Variants in STK33 observed in about 807,000 individuals in gnomAD.
STK33 encodes the protein serine/threonine kinase 33.
A neutral mutation model predicts 58.0 loss-of-function variants in STK33; 52 were observed. The observed-to-expected ratio is 0.90, with a 90% CI of 0.72 to 1.13. STK33 has a LOEUF of 1.13. Ranked by LOEUF, STK33 falls within the 50% of genes most tolerant of loss-of-function variation. The pLI is 0.00. For synonymous variants in STK33, 215 were observed against 200.1 expected, an observed-to-expected ratio of 1.07 and a Z score of -0.63; for missense variants, 630 against 604.2, an observed-to-expected ratio of 1.04 and a Z score of -0.45.
At chr11:8,419,397 T>A (rs1354175808) in intron 14 of STK33, among the ~76,000 whole-genome samples, 2 of 152,182 alleles carry the variant, frequency 1.3e-5, no homozygotes, top group Non-Finnish European at 2.9e-5. Flanking sequence ...GTCACAGATG[T>A]GAGGTCTTAT....
chr11:8,441,896 C>T (rs1944792280), intron 11 of STK33, among the ~76,000 whole-genome samples: 1 of 152,026 alleles, frequency 6.6e-6, no homozygotes, highest in Non-Finnish European at 1.5e-5. Context: ...CTCCCTTTGC[C>T]AATGAGGAAA....
At chr11:8,381,029 C>T in the STK33 span, among the ~76,000 whole-genome samples, 2 of 152,154 alleles carry the variant, frequency 1.3e-5, no homozygotes, top group Non-Finnish European at 2.9e-5. Context: ...AAATCAAATA[C>T]CCTATGTCCT....
the STK33 span, among the ~76,000 whole-genome samples, chr11:8,376,549 CT>C: frequency 2.4e-3 from 350 of 143,842 alleles, no homozygotes; most frequent in Middle Eastern, 3.6e-3. Context: ...ATTCTTTTTT[CT>C]TTTTTTTTTT....
chr11:8,403,081 T>C (rs1938415403), intron 15 of STK33, among the ~76,000 whole-genome samples: 1 of 152,186 alleles, frequency 6.6e-6, no homozygotes, highest in South Asian at 2.1e-4. Context: ...AACAGAGGAA[T>C]TTCAACACTT....
intron 11 of STK33, among the ~76,000 whole-genome samples, chr11:8,441,933 T>C (rs958998568): frequency 1.1e-4 from 16 of 152,054 alleles, no homozygotes; most frequent in African/African-American, 2.9e-4. Context: ...TTAAGTGACT[T>C]GCCTAATGTT....
intron 1 of STK33, among the ~76,000 whole-genome samples, chr11:8,557,286 G>GGAGGGAGAGGAGAGAA (rs1554999846): frequency 8.7e-5 from 3 of 34,316 alleles, no homozygotes; most frequent in Admixed American, 2.8e-4. Context: ...GGAGGGGAGG[G>GGAGGGAGAGGAGAGAA]GAGGAGAGAA....
At chr11:8,491,562 G>A (rs1030247146) in intron 1 of STK33, among the ~76,000 whole-genome samples, 77 of 152,148 alleles carry the variant, frequency 5.1e-4, no homozygotes, top group African/African-American at 1.8e-3. Context: ...TAGCAAGGCA[G>A]GCCAACATTC....
intron 11 of STK33, among the ~76,000 whole-genome samples, chr11:8,444,607 A>G (rs1189350402): frequency 6.6e-6 from 1 of 152,200 alleles, no homozygotes; most frequent in Non-Finnish European, 1.5e-5. Flanking sequence ...ATAGGAGAAT[A>G]TAACCACAGG....
intron 15 of STK33, among the ~76,000 whole-genome samples, chr11:8,393,821 C>G (rs967437648): frequency 3.9e-5 from 6 of 152,126 alleles, no homozygotes; most frequent in African/African-American, 7.2e-5. Flanking sequence ...TATATGTTTG[C>G]CTAGTGAATC....
chr11:8,445,412 C>T (rs180815966), intron 11 of STK33, among the ~76,000 whole-genome samples: 116 of 152,276 alleles, frequency 7.6e-4, no homozygotes, highest in African/African-American at 2.7e-3. Context: ...ACTTCCAATA[C>T]TATGTTGAAT....
At chr11:8,578,382 A>G (rs1012915032) in intron 1 of STK33, among the ~76,000 whole-genome samples, 8 of 152,052 alleles carry the variant, frequency 5.3e-5, no homozygotes. Context: ...GGAACTATTT[A>G]AGTAAGTTGT....
chr11:8,528,937 C>T (rs182691064), intron 1 of STK33, among the ~76,000 whole-genome samples: 4 of 152,328 alleles, frequency 2.6e-5, no homozygotes, highest in South Asian at 2.1e-4. Context: ...TTAATCTTTA[C>T]AATACCACTA....
At chr11:8,407,681 A>T (rs1430182880) in intron 15 of STK33, among the ~76,000 whole-genome samples, 2 of 151,158 alleles carry the variant, frequency 1.3e-5, no homozygotes, top group Non-Finnish European at 2.9e-5. Context: ...AAGAATAGAA[A>T]AAAAAAGATT....
chr11:8,343,454 G>C, the STK33 span, among the ~76,000 whole-genome samples: 2 of 152,322 alleles, frequency 1.3e-5, no homozygotes, highest in East Asian at 1.9e-4. Flanking sequence ...CGGTGGCCGT[G>C]GCAGTGAAAG....
chr11:8,471,662 C>T (rs1948793912), intron 6 of STK33, among the ~76,000 whole-genome samples: 1 of 151,964 alleles, frequency 6.6e-6, no homozygotes, highest in South Asian at 2.1e-4. Context: ...GGAATAGAAG[C>T]TTCAACTTCA....
At chr11:8,447,560 GAAA>G (rs1415962490) in intron 11 of STK33, among the ~76,000 whole-genome samples, 2 of 152,154 alleles carry the variant, frequency 1.3e-5, no homozygotes, top group African/African-American at 4.8e-5. Flanking sequence ...AATAGATGCA[GAAA>G]AGGCCTTTGA....
At chr11:8,506,182 A>C (rs1186013318) in intron 1 of STK33, among the ~76,000 whole-genome samples, 2 of 152,146 alleles carry the variant, frequency 1.3e-5, no homozygotes, top group Non-Finnish European at 2.9e-5. Flanking sequence ...CAACATAATA[A>C]TCTAATCTTT....
In STK33 at chr11:8,592,911, A is replaced by G. The variant is rs548484588; in HGVS notation, c.-466+1172T>C. Among the ~76,000 whole-genome samples the G allele has an allele frequency of 2.9e-4, 44 of 152,312 alleles. 1 individual carries two copies. Among genetic ancestry groups the G allele is most frequent in the African/African-American group, 1.1e-3 (44 of 41,570 alleles). ...GGAATATTGAAAGGAAAGGATAAAT[A>G]CCTTTAGATTAGTTAAGAGGCTACT... On this transcript the variant is annotated intron_variant, in intron 1 of 15. Coordinates refer to ENST00000687296, the MANE Select transcript of STK33 (RefSeq NM_001352389.2).
At chr11:8,584,925 A>AT (rs11331618) in intron 1 of STK33, among the ~76,000 whole-genome samples, 7,648 of 139,760 alleles carry the variant, frequency 0.055, 257 homozygotes, top group Non-Finnish European at 0.073. Flanking sequence ...AAAGAAAATG[A>AT]TTTTTTTTTT....
Sources: gnomAD v4.1 joint callset for allele counts (sites outside exome capture counted in the v4.1 genomes callset) on GRCh38, gnomAD v4.1.1 for gene constraint, MANE v1.5 for transcripts, NCBI Gene and HGNC (gene_info 2026-07-23, HGNC 2026-07-21) for gene names.